The following SLCO3A1 variants were observed in gnomAD, a reference collection of about 807,000 sequenced individuals.
SLCO3A1 encodes the protein PGE1 transporter.
SLCO3A1 carries 27 observed loss-of-function variants against 63.1 expected under a neutral mutation model. The ratio of observed to expected loss-of-function variants is 0.43; its 90% CI spans 0.32 to 0.59. SLCO3A1 has a LOEUF of 0.59. SLCO3A1 is among the 20% of genes least tolerant of loss of function. The pLI, the probability that SLCO3A1 is intolerant of heterozygous loss-of-function variation, is 0.09. For missense variants in SLCO3A1, 773 were observed against 945.8 expected, an observed-to-expected ratio of 0.82 and a Z score of 2.40; for synonymous variants, 473 against 409.9, an observed-to-expected ratio of 1.15 and a Z score of -1.86.
chr15:92,162,716 C>G, intron 9 of SLCO3A1, 40 bp from the exon 10 acceptor site: 3 of 1,571,520 alleles, frequency 1.9e-6, no homozygotes, highest in Non-Finnish European at 2.6e-6. Flanking sequence ...GAGCACTGGC[C>G]ACCAGATCCA....
chr15:91,885,853 T>C lies in SLCO3A1; in HGVS notation c.181-30140T>C, dbSNP rs763749114. On this transcript the variant is annotated intron_variant, in intron 1 of 9. Coordinates refer to ENST00000318445, the MANE Select transcript of SLCO3A1 (RefSeq NM_013272.4). This position sits in a 1 kb window ranked among gnomAD's most constrained non-coding sequence, Gnocchi z 4.7. The stretch of plus-strand genomic sequence containing the variant: ...ATTTGAAAGAAGTGTGAGATCAAAT[T>C]ATATAACTATTTGGAGCAAGAATGT... 6.6e-6 allele frequency among the ~76,000 whole-genome samples: 1 copy of C among 152,150 alleles called. No individual in the cohort carries two copies. Among genetic ancestry groups the C allele is most frequent in the Non-Finnish European group, 1.5e-5 (1 of 68,016 alleles).
chr15:91,991,320 T>A lies in SLCO3A1; in HGVS notation c.646+74862T>A, dbSNP rs185924948. Among the ~76,000 whole-genome samples, 8 of 152,230 alleles carry A rather than the reference T, an allele frequency of 5.3e-5. No homozygotes were observed. The East Asian group carries it at 1.5e-3, about 29-fold the overall frequency. ...GATCTGCAGTGAGCCATGATGGCACTACTGCACTCTAGTGTGGGCAACAGA... is the reference window on the plus strand; with the variant it reads ...GATCTGCAGTGAGCCATGATGGCACAACTGCACTCTAGTGTGGGCAACAGA... On this transcript the variant is annotated intron_variant, in intron 2 of 9. Transcript: ENST00000318445.
chr15:92,032,658 G>T (rs529984736), intron 2 of SLCO3A1, among the ~76,000 whole-genome samples: 1 of 152,132 alleles, frequency 6.6e-6, no homozygotes, highest in Non-Finnish European at 1.5e-5. Context: ...TGCGGTGATT[G>T]GGTAGGTTGG....
At chr15:92,130,833 C>T (rs1476363011) in intron 7 of SLCO3A1, among the ~76,000 whole-genome samples, 3 of 141,786 alleles carry the variant, frequency 2.1e-5, no homozygotes, top group Middle Eastern at 3.6e-3. Context: ...GGTATGTGTA[C>T]TCCCTCCCTC....
rs868358689 is a variant in SLCO3A1, at chr15:91,853,929, C to T, written c.21C>T (p.Gly7=). Reference sequence around the variant, plus strand: ...GAAGGATGCAGGGGAAGAAGCCGGGCGGTTCGTCGGGCGGCGGCCGGAGCG... The same window carrying T: ...GAAGGATGCAGGGGAAGAAGCCGGGTGGTTCGTCGGGCGGCGGCCGGAGCG... MQGKKP[G]GSSGGGRSGE... is the part of the protein sequence containing the mutation. The change falls in exon 1 of 10, where the codon GGC becomes GGT. Residue 7 remains glycine, a synonymous_variant. Coordinates refer to ENST00000318445, the MANE Select transcript of SLCO3A1 (RefSeq NM_013272.4). 4.1e-6 allele frequency: 6 copies of T among 1,451,900 alleles called. No individual in the cohort carries two copies. Among genetic ancestry groups the T allele is most frequent in the Admixed American group, 2.4e-5 (1 of 41,180 alleles). The allele number at this position is 1,451,900 out of a possible 1,614,324, so 89.9% of individuals were successfully genotyped here. A position where few individuals can be genotyped will look rare whatever the true frequency, so the allele number is the denominator to read the frequency against.
At chr15:92,157,254 C>T (rs1020389763) in intron 9 of SLCO3A1, 2 of 151,792 alleles carry the variant, frequency 1.3e-5, no homozygotes, top group African/African-American at 4.8e-5. Flanking sequence ...AGGGAGAAGA[C>T]AAGATAAAAA....
intron 2 of SLCO3A1, among the ~76,000 whole-genome samples, chr15:91,966,132 G>C (rs1389075372): frequency 6.6e-6 from 1 of 152,180 alleles, no homozygotes; most frequent in East Asian, 1.9e-4. Context: ...GAAGTAACAA[G>C]GTTGAGTCGA....
rs1467326605 is a variant in SLCO3A1, at chr15:92,139,052, C to A, written c.1513-7932C>A. Among the ~76,000 whole-genome samples the A allele has an allele frequency of 1.3e-3, 179 of 140,024 alleles. 1 individual carries two copies. The highest frequency in any genetic ancestry group is 4.1e-3 in the African/African-American group (146 of 35,932). 91.9% of individuals were successfully genotyped at this position (140,024 alleles called of 152,430 possible). A position where few individuals can be genotyped will look rare whatever the true frequency, so the allele number is the denominator to read the frequency against. On this transcript the variant is annotated intron_variant, in intron 7 of 9. Coordinates refer to ENST00000318445, the MANE Select transcript of SLCO3A1 (RefSeq NM_013272.4). ...TGAGAGAGGGCATCCCTGTCTTGTGCCAGTTTTCAAAGGGCATGCTTCCAG... is the reference window on the plus strand; with the variant it reads ...TGAGAGAGGGCATCCCTGTCTTGTGACAGTTTTCAAAGGGCATGCTTCCAG...
intron 2 of SLCO3A1, among the ~76,000 whole-genome samples, chr15:91,992,970 A>G (rs188506987): frequency 2.0e-5 from 3 of 152,314 alleles, no homozygotes; most frequent in African/African-American, 7.2e-5. Context: ...ACAAGAGTCT[A>G]AGGAACCTTG....
intron 9 of SLCO3A1, chr15:92,155,251 G>T (rs2048357252): frequency 6.6e-6 from 1 of 152,246 alleles, no homozygotes; most frequent in Non-Finnish European, 1.5e-5. Context: ...TCCTGAGTTG[G>T]TCTAGAATCT....
rs919353056 is a variant in SLCO3A1, at chr15:91,861,031, A to G, written c.180+6943A>G. Among the ~76,000 whole-genome samples, 17 of 152,142 alleles carry G rather than the reference A, an allele frequency of 1.1e-4. 1 individual carries two copies. The highest frequency in any genetic ancestry group is 2.5e-4 in the Non-Finnish European group (17 of 68,020). On this transcript the variant is annotated intron_variant, in intron 1 of 9. Transcript: ENST00000318445. ...GCCTTCCCGCCCCCAGTCTGGTCAC[A>G]CCTGTCCTTGCGAAGGATAGAGAAG... is the stretch of plus-strand genomic sequence containing the variant.
At chr15:92,103,394 G>A (rs1274932529) in intron 3 of SLCO3A1, among the ~76,000 whole-genome samples, 1 of 152,124 alleles carries the variant, frequency 6.6e-6, no homozygotes, top group Non-Finnish European at 1.5e-5. Context: ...TGACTTAGCT[G>A]GCACAATAAA....
At position 92,128,456 on chromosome 15, in the gene SLCO3A1, C is replaced by T; in HGVS notation, c.1479C>T (p.Tyr493=). The change falls in exon 7 of 10, where the codon TAC becomes TAT. Residue 493 remains tyrosine (Y), a synonymous_variant. Transcript: ENST00000318445. ...TGTGTGGGGCAGATGGCATCACCTA[C>T]CTGTCTGCCTGCTTTGCTGGCTGCA... ...TPVCGADGIT[Y]LSACFAGCNS... The T allele has an allele frequency of 6.2e-7, 1 of 1,613,974 alleles. No homozygotes were observed. Among genetic ancestry groups the T allele is most frequent in the Non-Finnish European group, 8.5e-7 (1 of 1,179,934 alleles).
At chr15:92,143,408 A>ATTATATATAAT (rs1390701782) in intron 7 of SLCO3A1, among the ~76,000 whole-genome samples, 1 of 630 alleles carries the variant, frequency 1.6e-3, no homozygotes, top group Non-Finnish European at 0.025. Flanking sequence ...TAATATATAT[A>ATTATATATAAT]ATATATATAT....
In SLCO3A1 at chr15:91,941,443, G is replaced by T; in HGVS notation, c.646+24985G>T. On this transcript the variant is annotated intron_variant, in intron 2 of 9. Transcript: ENST00000318445. The surrounding 1 kb of genome is among the most constrained non-coding windows in gnomAD (Gnocchi z 4.4). ...GGCGCTGTCACTCGTTGAGGTGGTG[G>T]CCTGGTTCCTTTGGCCTTAGGGAAG... The T allele has an allele frequency of 4.6e-6, 2 of 438,020 alleles. No individual in the cohort carries two copies. The highest frequency in any genetic ancestry group is 4.6e-6 in the Non-Finnish European group (1 of 218,070). 27.1% of individuals were successfully genotyped at this position (438,020 alleles called of 1,614,324 possible).
At chr15:92,064,924 G>A (rs1477493913) in intron 2 of SLCO3A1, among the ~76,000 whole-genome samples, 3 of 152,146 alleles carry the variant, frequency 2.0e-5, no homozygotes, top group Non-Finnish European at 4.4e-5. Flanking sequence ...TGCAGTTAGA[G>A]AGAAGAAATA....
chr15:92,022,609 C>G (rs1209133395), intron 2 of SLCO3A1, among the ~76,000 whole-genome samples: 1 of 152,216 alleles, frequency 6.6e-6, no homozygotes, highest in Non-Finnish European at 1.5e-5. Context: ...CACCCATCAG[C>G]TGTTTACTCA....
chr15:92,019,816 C>G (rs28729478), intron 2 of SLCO3A1, among the ~76,000 whole-genome samples: 30,605 of 152,130 alleles, frequency 0.2, 3,311 homozygotes, highest in African/African-American at 0.24. Context: ...GGGGTGGCTC[C>G]TTTCTACTTG....
chr15:92,152,580 G>T (rs2048320648), intron 9 of SLCO3A1, among the ~76,000 whole-genome samples: 1 of 152,200 alleles, frequency 6.6e-6, no homozygotes, highest in African/African-American at 2.4e-5. Context: ...GCAGAGTTAT[G>T]ATCGTGCTGA....
Sources: gnomAD v4.1 joint callset for allele counts (sites outside exome capture counted in the v4.1 genomes callset) on GRCh38, gnomAD v4.1.1 for gene constraint, Gnocchi (gnomAD v3.1) non-coding constraint, MANE v1.5 for transcripts, NCBI Gene and HGNC (gene_info 2026-07-23, HGNC 2026-07-21) for gene names.